SPTY2D1: variants seen among roughly 807,000 people sequenced by gnomAD.
SPTY2D1 encodes the protein protein SPT2 homolog.
SPTY2D1 carries 21 observed loss-of-function variants against 64.0 expected under a neutral mutation model. The observed-to-expected ratio is 0.33, with a 90% CI of 0.23 to 0.47. The LOEUF (loss-of-function observed/expected upper bound fraction) is 0.47. SPTY2D1 is among the 20% of genes least tolerant of loss of function. SPTY2D1 has a pLI of 1.00. For missense variants in SPTY2D1, 724 were observed against 837.2 expected, an observed-to-expected ratio of 0.86 and a Z score of 1.67; for synonymous variants, 287 against 286.8, an observed-to-expected ratio of 1.00 and a Z score of -0.01.
intron 1 of SPTY2D1, among the ~76,000 whole-genome samples, chr11:18,626,561 T>A (rs758915111): frequency 6.6e-6 from 1 of 152,182 alleles, no homozygotes; most frequent in African/African-American, 2.4e-5. Flanking sequence ...CACAAGCTCA[T>A]GATTAAGAGC....
At chr11:18,626,439 A>C (rs75018132) in intron 1 of SPTY2D1, among the ~76,000 whole-genome samples, 1 of 152,102 alleles carries the variant, frequency 6.6e-6, no homozygotes, top group African/African-American at 2.4e-5. Context: ...AAAAAAAAAA[A>C]ACAGAGTTAC....
intron 1 of SPTY2D1, among the ~76,000 whole-genome samples, chr11:18,623,526 G>A (rs1335935986): frequency 6.6e-6 from 1 of 152,166 alleles, no homozygotes; most frequent in Non-Finnish European, 1.5e-5. Flanking sequence ...AAGCATTACT[G>A]TGAAGGTATT....
intron 5 of SPTY2D1, among the ~76,000 whole-genome samples, chr11:18,610,686 A>AAAAC (rs1554987436): frequency 1.4e-5 from 2 of 147,282 alleles, no homozygotes; most frequent in African/African-American, 5.1e-5. Flanking sequence ...AAAAAAAAAA[A>AAAAC]AACAACAATA....
Position 18,606,902 on chromosome 11 carries a change from C to G in SPTY2D1, c.*2959G>C. 1 of 336,224 alleles carries G rather than the reference C, an allele frequency of 3.0e-6. No homozygotes were observed. Among genetic ancestry groups the G allele is most frequent in the Non-Finnish European group, 5.5e-6 (1 of 181,092 alleles). The allele number at this position is 336,224 out of a possible 1,614,324, so 20.8% of individuals were successfully genotyped here. A position where few individuals can be genotyped will look rare whatever the true frequency, so the allele number is the denominator to read the frequency against. The stretch of plus-strand genomic sequence containing the variant: ...TTGACATGGAGTCTCGCTCTGTCAC[C>G]CAGCCTGGAGTGCAGTGGTGCTATC... On this transcript the variant is annotated 3_prime_UTR_variant, in exon 6 of 6. Coordinates refer to ENST00000336349, the MANE Select transcript of SPTY2D1 (RefSeq NM_194285.3).
intron 1 of SPTY2D1, among the ~76,000 whole-genome samples, chr11:18,627,964 C>A (rs952093237): frequency 6.6e-6 from 1 of 152,076 alleles, no homozygotes; most frequent in Admixed American, 6.6e-5. Context: ...AGGAGAACTG[C>A]TTGAACCTAG....
chr11:18,615,460 C>T lies in SPTY2D1; in HGVS notation c.814G>A (p.Glu272Lys). The change falls in exon 3 of 6, where the codon GAG becomes AAG. Residue 272 changes from glutamate (E) to lysine (K), a missense_variant. Physicochemically the swap from Glu to Lys is moderately conservative, Grantham distance 56. Coordinates refer to ENST00000336349, the MANE Select transcript of SPTY2D1 (RefSeq NM_194285.3). ...GATGAAGACAAAGCGAGGTGTTTCT[C>T]ATTGGCCATGCTGGGTCTTGATTTC... The part of the protein sequence containing the change: ...EKKSRPSMAN[E>K]KHLALSSSKS... 1 of 1,614,160 alleles carries T rather than the reference C, an allele frequency of 6.2e-7. No homozygotes were observed. The highest frequency in any genetic ancestry group is 1.3e-5 in the African/African-American group (1 of 75,046).
Position 18,619,115 on chromosome 11 carries a change from T to C in SPTY2D1, c.61-2126A>G, listed in dbSNP as rs371495240. Among the ~76,000 whole-genome samples the C allele has an allele frequency of 3.3e-5, 5 of 152,132 alleles. No homozygotes were observed. The East Asian group carries it at 9.6e-4, about 29-fold the overall frequency. ...GTAATACTGCTAACCTAACTAGATA[T>C]ATATAAAATTGCCCTTGTTTACAAG... On this transcript the variant is annotated intron_variant, in intron 1 of 5. Coordinates refer to ENST00000336349, the MANE Select transcript of SPTY2D1 (RefSeq NM_194285.3).
intron 1 of SPTY2D1, among the ~76,000 whole-genome samples, chr11:18,633,904 G>A (rs966666423): frequency 6.6e-6 from 1 of 152,146 alleles, no homozygotes; most frequent in African/African-American, 2.4e-5. Flanking sequence ...AGCGTGCCAG[G>A]CACAGCTCAC....
intron 1 of SPTY2D1, among the ~76,000 whole-genome samples, chr11:18,618,555 C>T (rs1188193544): frequency 2.6e-5 from 4 of 152,086 alleles, no homozygotes; most frequent in Non-Finnish European, 4.4e-5. Flanking sequence ...CACATTAAAT[C>T]CAGGAAATAA....
chr11:18,633,974 G>A (rs1391405508), intron 1 of SPTY2D1, among the ~76,000 whole-genome samples: 2 of 152,322 alleles, frequency 1.3e-5, no homozygotes, highest in African/African-American at 4.8e-5. Flanking sequence ...TGTTGCAGGG[G>A]TAAATAAGCC....
In SPTY2D1 at chr11:18,614,587, G is replaced by A. The variant is rs1269959077; in HGVS notation, c.1687C>T (p.Leu563=). The change falls in exon 3 of 6, where the codon CTA becomes TTA. Residue 563 remains leucine (L), a synonymous_variant. Coordinates refer to ENST00000336349, the MANE Select transcript of SPTY2D1 (RefSeq NM_194285.3). ...NGQMNGMKPP[L]SGYRAAQGPQ... ...CCTTGGGCAGCTCTGTAGCCAGATA[G>A]GGGAGGCTTCATTCCATTCATCTGT... 3 of 1,611,678 alleles carry A rather than the reference G, an allele frequency of 1.9e-6. No homozygotes were observed. Among genetic ancestry groups the A allele is most frequent in the East Asian group, 2.2e-5 (1 of 44,844 alleles).
At chr11:18,628,584 T>C (rs1854535768) in intron 1 of SPTY2D1, among the ~76,000 whole-genome samples, 2 of 152,336 alleles carry the variant, frequency 1.3e-5, no homozygotes, top group South Asian at 4.1e-4. Context: ...AATGCATACA[T>C]CCTGAAATAC....
At chr11:18,628,761 T>C (rs564415386) in intron 1 of SPTY2D1, among the ~76,000 whole-genome samples, 13 of 152,284 alleles carry the variant, frequency 8.5e-5, no homozygotes, top group Middle Eastern at 3.4e-3. Context: ...CCAGTTACAA[T>C]CCATTATAGA....
rs1203681859 is a variant in SPTY2D1 at position 18,634,336 on chromosome 11, G to C, written c.-79C>G. ...CACCTAACCGAGGCGCCCAGCTACA[G>C]CCAACTGCACTGCCTCGGGAGCCCC... On this transcript the variant is annotated 5_prime_UTR_variant, in exon 1 of 6. Transcript: ENST00000336349. The C allele has an allele frequency of 6.7e-7, 1 of 1,501,520 alleles. No individual in the cohort carries two copies. The highest frequency in any genetic ancestry group is 9.2e-7 in the Non-Finnish European group (1 of 1,082,746). 93.0% of individuals were successfully genotyped at this position (1,501,520 alleles called of 1,614,324 possible).
rs142827215 is a variant in SPTY2D1, at chr11:18,615,630, T to G, written c.644A>C (p.Lys215Thr). 4.3e-6 allele frequency: 7 copies of G among 1,614,112 alleles called. No homozygotes were observed. The highest frequency in any genetic ancestry group is 3.3e-5 in the Admixed American group (2 of 60,002). Residue 215 changes from lysine (K) to threonine (T), a missense_variant, in exon 3 of 6, where the codon AAA becomes ACA. By Grantham distance (78) the Lys-to-Thr change is moderately conservative. Coordinates refer to ENST00000336349, the MANE Select transcript of SPTY2D1 (RefSeq NM_194285.3). ...REFLERKHRR[K>T]KLETDGKLPP... is the part of the protein sequence containing the mutation. ...TAGTTTTCCATCTGTCTCAAGTTTT[T>G]TTCTCCTATGCTTTCGTTCAAGGAA... is the stretch of plus-strand genomic sequence containing the variant.
In SPTY2D1 at chr11:18,612,984, G is replaced by A. The variant is rs1030820880; in HGVS notation, c.1712-496C>T. The stretch of plus-strand genomic sequence containing the variant: ...TCTCCACGTTGGTCAGGCTGGTCTC[G>A]AACTCCCGACCTCAGGTGATCTGTC... On this transcript the variant is annotated intron_variant, in intron 3 of 5. Transcript: ENST00000336349. The surrounding 1 kb of genome is among the most constrained non-coding windows in gnomAD (Gnocchi z 4.6). 1.8e-4 allele frequency among the ~76,000 whole-genome samples: 27 copies of A among 152,186 alleles called. No homozygotes were observed. The highest frequency in any genetic ancestry group is 6.0e-4 in the African/African-American group (25 of 41,532).
intron 1 of SPTY2D1, 150 bp downstream of exon 1, chr11:18,634,047 CA>C: frequency 1.2e-6 from 1 of 833,726 alleles, no homozygotes. Context: ...CCCGAGTTCC[CA>C]AGAGTATAAA....
rs772773768 is a variant in SPTY2D1 at position 18,614,725 on chromosome 11, T to A, written c.1549A>T (p.Ser517Cys). The A allele has an allele frequency of 6.2e-7, 1 of 1,614,172 alleles. No homozygotes were observed. ...SNSVPGRPVS[S>C]LGPGQTVSSS... ...CTAACTGTTTGCCCAGGTCCCAAGCTGCTCACTGGTCTTCCTGGGACTGAA... is the reference window on the plus strand; with the variant it reads ...CTAACTGTTTGCCCAGGTCCCAAGCAGCTCACTGGTCTTCCTGGGACTGAA... The change falls in exon 3 of 6, where the codon AGC becomes TGC. Residue 517 changes from serine (S) to cysteine (C), a missense_variant. By Grantham distance (112) the Ser-to-Cys change is moderately radical (BLOSUM62 -1). Around this residue, in one of 3 missense-constraint regions of SPTY2D1, gnomAD observed 426 missense variants for 431.8 expected, o/e 0.99. Transcript: ENST00000336349.
Position 18,609,914 on chromosome 11 carries a change from G to A in SPTY2D1, c.2005C>T (p.Arg669Cys), listed in dbSNP as rs774009517. The change falls in exon 6 of 6, where the codon CGT (arginine) becomes TGT (cysteine). Residue 669 changes from arginine (R) to cysteine (C), a missense_variant. Arg to Cys is a radical substitution (Grantham distance 180). Coordinates refer to ENST00000336349, the MANE Select transcript of SPTY2D1 (RefSeq NM_194285.3). ...CGACGTTGCATTTCTTCTTCTTCAC[G>A]TCTCATTTCCTCTAAGTCCTCTTGC... is the stretch of plus-strand genomic sequence containing the variant. ...GMQEDLEEMR[R>C]EEEEMQRRRA... The A allele has an allele frequency of 3.7e-6, 6 of 1,613,896 alleles. No homozygotes were observed. The highest frequency in any genetic ancestry group is 2.2e-5 in the South Asian group (2 of 91,080).
Sources: gnomAD v4.1 joint callset for allele counts (sites outside exome capture counted in the v4.1 genomes callset) on GRCh38, gnomAD v4.1.1 for gene constraint, gnomAD v4.1.1 regional missense constraint, Gnocchi (gnomAD v3.1) non-coding constraint, MANE v1.5 for transcripts, NCBI Gene and HGNC (gene_info 2026-07-23, HGNC 2026-07-21) for gene names.